The following RBFOX1 variants were observed in gnomAD, a reference collection of about 807,000 sequenced individuals.
The protein encoded by RBFOX1 is RNA binding protein fox-1 homolog 1.
Under a neutral mutation model 57.7 loss-of-function variants are expected in RBFOX1, and 8 were observed. That is an observed-to-expected ratio of 0.14 (90% CI 0.08 to 0.25). RBFOX1 has a LOEUF of 0.25. Ranked by LOEUF, RBFOX1 falls within the 10% of genes least tolerant of loss-of-function variation. RBFOX1 has a pLI of 1.00. For missense variants in RBFOX1, 611 were observed against 548.5 expected (o/e 1.11, Z -1.14); for synonymous variants, 326 against 222.4 (o/e 1.47, Z -4.15).
chr16:6,835,376 A>T (rs557911252), intron 3 of RBFOX1, among the ~76,000 whole-genome samples: 1 of 152,288 alleles, frequency 6.6e-6, no homozygotes, highest in South Asian at 2.1e-4. Flanking sequence ...AGGACAGGAA[A>T]AGATATAGGA....
chr16:6,568,509 A>T (rs1286613294), intron 2 of RBFOX1, among the ~76,000 whole-genome samples: 1 of 152,166 alleles, frequency 6.6e-6, no homozygotes, highest in Non-Finnish European at 1.5e-5. Context: ...CCTCAGAGTG[A>T]CATACCATCA....
At chr16:5,373,101 A>T (rs2065900518) in intron 1 of RBFOX1, among the ~76,000 whole-genome samples, 1 of 152,230 alleles carries the variant, frequency 6.6e-6, no homozygotes, top group East Asian at 1.9e-4. Flanking sequence ...CAGTGTGGAA[A>T]GGATGGAGTG....
At chr16:7,006,224 G>A (rs142542623) in intron 3 of RBFOX1, among the ~76,000 whole-genome samples, 3 of 152,082 alleles carry the variant, frequency 2.0e-5, no homozygotes, top group African/African-American at 7.2e-5. Context: ...GCACGATCTC[G>A]GTTCACTGCA....
chr16:6,832,852 G>A (rs148599723), intron 3 of RBFOX1, among the ~76,000 whole-genome samples: 2,062 of 152,282 alleles, frequency 0.014, 31 homozygotes, highest in African/African-American at 0.045. Flanking sequence ...TCCCAACTAC[G>A]TATCAAAGCC....
rs925031702 is a variant in RBFOX1 at position 6,942,488 on chromosome 16, C to A, written c.-15-109569C>A. Reference sequence around the variant, plus strand: ...TGAGCTTTAAGAATGTTGACAACATCTCCATCTCCTGGGAGATGAAGCTTC... The same window carrying A: ...TGAGCTTTAAGAATGTTGACAACATATCCATCTCCTGGGAGATGAAGCTTC... On this transcript the variant is annotated intron_variant, in intron 3 of 15. Transcript: ENST00000550418. Among the ~76,000 whole-genome samples, 65 of 152,244 alleles carry A rather than the reference C, an allele frequency of 4.3e-4. 1 individual carries two copies. Among genetic ancestry groups the A allele is most frequent in the Non-Finnish European group, 8.5e-4 (58 of 68,010 alleles).
Position 5,895,997 on chromosome 16 carries a change from T to C in RBFOX1, c.351+28662T>C, listed in dbSNP as rs141123484. The stretch of plus-strand genomic sequence containing the variant: ...GAAGGGAGGAGGAAGTACGACAAAC[T>C]TGGTGTAAAATGTTCTGTCTTACGT... On this transcript the variant is annotated intron_variant, in intron 4 of 19. Coordinates refer to the RBFOX1 transcript ENST00000641259. Among the ~76,000 whole-genome samples, 419 of 152,212 alleles carry C rather than the reference T, an allele frequency of 2.8e-3. 1 individual carries two copies. The highest frequency in any genetic ancestry group is 4.9e-3 in the Non-Finnish European group (335 of 68,004).
At chr16:7,102,739 C>G (rs1401888059) in intron 4 of RBFOX1, among the ~76,000 whole-genome samples, 1 of 152,114 alleles carries the variant, frequency 6.6e-6, no homozygotes, top group African/African-American at 2.4e-5. Context: ...AGTTTGGAGA[C>G]TTAACATTAA....
intron 2 of RBFOX1, among the ~76,000 whole-genome samples, chr16:6,571,815 G>A (rs891438949): frequency 6.6e-6 from 1 of 152,152 alleles, no homozygotes; most frequent in Non-Finnish European, 1.5e-5. Flanking sequence ...TATCAAAAAA[G>A]CATATGTAAA....
intron 2 of RBFOX1, among the ~76,000 whole-genome samples, chr16:6,351,010 T>C (rs2086258160): frequency 6.6e-6 from 1 of 152,160 alleles, no homozygotes; most frequent in Non-Finnish European, 1.5e-5. Flanking sequence ...TAGCAACTTG[T>C]GCAAAGTTGT....
At chr16:6,062,526 C>T (rs1264987109) in intron 1 of RBFOX1, among the ~76,000 whole-genome samples, 3 of 150,176 alleles carry the variant, frequency 2.0e-5, no homozygotes, top group Admixed American at 6.7e-5. Flanking sequence ...TTATAAATCA[C>T]AATATCAAAT....
chr16:6,981,677 C>A (rs540476572), intron 3 of RBFOX1, among the ~76,000 whole-genome samples: 1 of 152,134 alleles, frequency 6.6e-6, no homozygotes, highest in African/African-American at 2.4e-5. Flanking sequence ...GAGGAACTCC[C>A]TTTTATAAAA....
intron 3 of RBFOX1, among the ~76,000 whole-genome samples, chr16:6,877,772 TGCTTTAAC>T (rs2062114179): frequency 6.6e-6 from 1 of 152,002 alleles, no homozygotes; most frequent in Admixed American, 6.6e-5. Context: ...TTGTATAAAT[TGCTTTAAC>T]GCATGCAGTT....
intron 4 of RBFOX1, among the ~76,000 whole-genome samples, chr16:7,058,272 C>T (rs114174253): frequency 7.9e-5 from 12 of 152,282 alleles, no homozygotes; most frequent in African/African-American, 2.9e-4. Context: ...ATCAGAAATG[C>T]TCAGTTTAAA....
intron 4 of RBFOX1, among the ~76,000 whole-genome samples, chr16:5,942,326 T>A (rs940974334): frequency 6.6e-6 from 1 of 152,152 alleles, no homozygotes; most frequent in Non-Finnish European, 1.5e-5. Context: ...CATAGGTGTG[T>A]GGACAACGGT....
At chr16:6,173,146 C>T (rs1474423520) in intron 1 of RBFOX1, among the ~76,000 whole-genome samples, 3 of 152,194 alleles carry the variant, frequency 2.0e-5, no homozygotes, top group Non-Finnish European at 4.4e-5. Context: ...TTAGTCTCAT[C>T]TGCAAAGTCC....
At chr16:7,534,980 G>A (rs756257640) in intron 5 of RBFOX1, among the ~76,000 whole-genome samples, 5 of 152,150 alleles carry the variant, frequency 3.3e-5, no homozygotes, top group Admixed American at 2.6e-4. Context: ...CTGTAGACAC[G>A]AGGTAATTAC....
At chr16:5,501,651 C>T (rs1365958853) in intron 2 of RBFOX1, among the ~76,000 whole-genome samples, 1 of 152,168 alleles carries the variant, frequency 6.6e-6, no homozygotes, top group African/African-American at 2.4e-5. Context: ...TGAGATGATG[C>T]CGTCAAATCT....
intron 3 of RBFOX1, among the ~76,000 whole-genome samples, chr16:6,925,749 G>A (rs2075458445): frequency 6.6e-6 from 1 of 151,842 alleles, no homozygotes; most frequent in South Asian, 2.1e-4. Context: ...ACACAGACAA[G>A]CAAAGAACGG....
chr16:7,298,979 C>G (rs866169337), intron 4 of RBFOX1, among the ~76,000 whole-genome samples: 2 of 152,122 alleles, frequency 1.3e-5, no homozygotes, highest in Non-Finnish European at 1.5e-5. Context: ...TTTGCTTTTA[C>G]AAGCAATGGT....
Sources: gnomAD v4.1 joint callset for allele counts (sites outside exome capture counted in the v4.1 genomes callset) on GRCh38, gnomAD v4.1.1 for gene constraint, MANE v1.5 for transcripts, NCBI Gene and HGNC (gene_info 2026-07-23, HGNC 2026-07-21) for gene names.